The following UBE2Q1 variants were observed in gnomAD, a reference collection of about 807,000 sequenced individuals.
UBE2Q1 encodes the protein ubiquitin conjugating enzyme E2 Q1.
Under a neutral mutation model 60.1 loss-of-function variants are expected in UBE2Q1, and 6 were observed. The observed-to-expected ratio is 0.10, with a 90% CI of 0.05 to 0.20. The LOEUF is 0.20. Among genes scored for constraint, UBE2Q1 ranks in the 10% least tolerant of loss-of-function variants. The probability of loss-of-function intolerance (pLI) is 1.00; values close to 1 mark genes in which losing one functional copy is unlikely to be tolerated. For synonymous variants in UBE2Q1, 226 were observed against 208.3 expected (o/e 1.09, Z -0.73); for missense variants, 262 against 525.8 (o/e 0.50, Z 4.91).
At chr1:154,552,946 C>T in intron 5 of UBE2Q1, 86 bp downstream of exon 5, 3 of 1,593,752 alleles carry the variant, frequency 1.9e-6, no homozygotes, top group Non-Finnish European at 2.6e-6. Context: ...AAGGAGTCTG[C>T]TCTCCATACT....
chr1:154,554,391 T>G (rs552796433), intron 4 of UBE2Q1, among the ~76,000 whole-genome samples: 16 of 152,364 alleles, frequency 1.1e-4, no homozygotes, highest in Middle Eastern at 3.4e-3. Context: ...GCAGTAGGTA[T>G]TATAATCCTA....
chr1:154,552,063 G>A (rs1046959755), intron 8 of UBE2Q1, 30 bp downstream of exon 8: 4 of 1,614,098 alleles, frequency 2.5e-6, no homozygotes, highest in Non-Finnish European at 2.5e-6. Context: ...GCCTAGGCCA[G>A]AGGGAGAGAC....
Position 154,553,153 on chromosome 1 carries a change from T to C in UBE2Q1, c.608A>G (p.His203Arg). The change falls in exon 5 of 13, where the codon CAC becomes CGC. Residue 203 changes from histidine to arginine, a missense_variant. By Grantham distance (29) the His-to-Arg change is conservative. This residue lies in a region of UBE2Q1 where 111 missense variants were observed against 266.8 expected (regional missense o/e 0.42). Transcript: ENST00000292211. ...TGGCTCTTCCTCTTTCATTTCATAG[T>C]GATCTAAGTCTTCTGTGTCCTGGAG... ...EMPEDTEDLD[H>R]YEMKEEEPAE... 5.0e-6 allele frequency: 8 copies of C among 1,613,528 alleles called. No individual in the cohort carries two copies. The highest frequency in any genetic ancestry group is 5.9e-6 in the Non-Finnish European group (7 of 1,180,030).
chr1:154,550,081 G>C lies in UBE2Q1; in HGVS notation c.*357C>G, dbSNP rs1418303422. The C allele has an allele frequency of 4.3e-6, 1 of 231,200 alleles. No individual in the cohort carries two copies. The highest frequency in any genetic ancestry group is 8.4e-6 in the Non-Finnish European group (1 of 119,374). The allele number at this position is 231,200 out of a possible 1,614,324, so 14.3% of individuals were successfully genotyped here. On this transcript the variant is annotated 3_prime_UTR_variant, in exon 13 of 13. Coordinates refer to ENST00000292211, the MANE Select transcript of UBE2Q1 (RefSeq NM_017582.7). ...AAAAAAAGCAGTGTACATGAAATAA[G>C]AGAAAATAAATTAAAAATCCATAGC...
chr1:154,551,612 C>A, intron 10 of UBE2Q1, 120 bp from the exon 11 acceptor site: 2 of 1,427,064 alleles, frequency 1.4e-6, no homozygotes. Context: ...GCCCCCAGCA[C>A]TGCCACCACC....
intron 2 of UBE2Q1, 64 bp downstream of exon 2, chr1:154,555,796 A>G: frequency 2.8e-6 from 4 of 1,446,884 alleles, no homozygotes; most frequent in African/African-American, 2.8e-5. Context: ...TCCCTTTCAC[A>G]GGATGCCTTT....
intron 10 of UBE2Q1, 135 bp downstream of exon 10, chr1:154,551,636 C>A: frequency 1.4e-6 from 2 of 1,450,142 alleles, no homozygotes; most frequent in South Asian, 2.3e-5. Flanking sequence ...CTGTCTAGGT[C>A]AGTGGGTGCA....
chr1:154,552,031 G>C (rs1213401734), intron 8 of UBE2Q1, 52 bp from the exon 9 acceptor site: 17 of 1,613,830 alleles, frequency 1.1e-5, no homozygotes, highest in Non-Finnish European at 1.4e-5. Flanking sequence ...ATCCTCCACA[G>C]GACTGTCAGG....
chr1:154,551,737 G>A, intron 10 of UBE2Q1, 34 bp downstream of exon 10: 2 of 1,614,094 alleles, frequency 1.2e-6, no homozygotes, highest in Admixed American at 3.3e-5. Context: ...TCCCCGCCCA[G>A]GCCGGCCTGG....
chr1:154,556,287 C>A (rs1316158416), intron 1 of UBE2Q1, among the ~76,000 whole-genome samples: 8 of 152,200 alleles, frequency 5.3e-5, no homozygotes, highest in African/African-American at 1.9e-4. Context: ...ATCTCCTGCA[C>A]TGCCTATACA....
At chr1:154,555,313 A>G (rs1695864186) in intron 3 of UBE2Q1, 115 bp downstream of exon 3, 1 of 861,056 alleles carries the variant, frequency 1.2e-6, no homozygotes, top group South Asian at 1.4e-5. Context: ...TAAGACGTGT[A>G]TGTTTTTGGG....
chr1:154,551,336 A>G, intron 11 of UBE2Q1, 61 bp downstream of exon 11: 5 of 1,549,174 alleles, frequency 3.2e-6, no homozygotes, highest in African/African-American at 1.4e-5. Context: ...TTGGCCTGCT[A>G]GTGGCCCCAA....
chr1:154,558,507 TGCCCCG>T lies in UBE2Q1; in HGVS notation c.41_46del (p.Pro14_Gly15del), dbSNP rs1428121165. 23 of 1,073,900 alleles carry T rather than the reference TGCCCCG, an allele frequency of 2.1e-5. No homozygotes were observed. Among genetic ancestry groups the T allele is most frequent in the South Asian group, 4.6e-5 (1 of 21,656 alleles). 66.5% of individuals were successfully genotyped at this position (1,073,900 alleles called of 1,614,324 possible). A position where few individuals can be genotyped will look rare whatever the true frequency, so the allele number is the denominator to read the frequency against. On this transcript the variant is annotated inframe_deletion, in exon 1 of 13. Coordinates refer to ENST00000292211, the MANE Select transcript of UBE2Q1 (RefSeq NM_017582.7). ...CGCCGCCCCCTGGCCCCCCAGCTGC[TGCCCCG>T]GCCCCGGCTGCTGCTGCCCCTGCGG... is the stretch of plus-strand genomic sequence containing the variant.
At chr1:154,556,054 G>C in intron 1 of UBE2Q1, 90 bp from the exon 2 acceptor site, 1 of 1,145,958 alleles carries the variant, frequency 8.7e-7, no homozygotes, top group Non-Finnish European at 1.3e-6. Context: ...AAGACTTCTA[G>C]CCCCTTTGCT....
At chr1:154,550,552 G>GTGC (rs547635905) in intron 12 of UBE2Q1, 83 bp from the exon 13 acceptor site, 2,167 of 1,601,020 alleles carry the variant, frequency 1.4e-3, no homozygotes, top group Non-Finnish European at 1.7e-3. Context: ...GACGTCTCCA[G>GTGC]TGGCAGAGAT....
chr1:154,551,578 T>C (rs1163164317), intron 10 of UBE2Q1, 86 bp from the exon 11 acceptor site: 1 of 1,504,540 alleles, frequency 6.6e-7, no homozygotes, highest in Admixed American at 1.7e-5. Context: ...ATCAGCTGTG[T>C]CTATAGGAGG....
At chr1:154,551,639 TG>T in intron 10 of UBE2Q1, 131 bp downstream of exon 10, 1 of 1,461,344 alleles carries the variant, frequency 6.8e-7, no homozygotes, top group Non-Finnish European at 9.6e-7. Flanking sequence ...TCTAGGTCAG[TG>T]GGTGCAGACC....
intron 4 of UBE2Q1, 110 bp from the exon 5 acceptor site, chr1:154,553,282 T>G (rs889893437): frequency 1.4e-6 from 2 of 1,401,088 alleles, no homozygotes; most frequent in East Asian, 4.8e-5. Context: ...AAAGTTAAAG[T>G]GAAGCAGTCC....
In UBE2Q1 at chr1:154,551,015, G is replaced by A. The variant is rs1233590199; in HGVS notation, c.1171-11C>T. 2 of 1,613,906 alleles carry A rather than the reference G, an allele frequency of 1.2e-6. No individual in the cohort carries two copies. The highest frequency in any genetic ancestry group is 1.7e-5 in the Admixed American group (1 of 59,992). ...CAGACTGTATTGAGACTGGGGAGAG[G>A]AAGCCACCAGATCAGGCCATGGCTA... is the stretch of plus-strand genomic sequence containing the variant. On this transcript the variant is annotated splice_polypyrimidine_tract_variant and intron_variant, in intron 11 of 12. Coordinates refer to ENST00000292211, the MANE Select transcript of UBE2Q1 (RefSeq NM_017582.7).
Sources: gnomAD v4.1 joint callset for allele counts (sites outside exome capture counted in the v4.1 genomes callset) on GRCh38, gnomAD v4.1.1 for gene constraint, gnomAD v4.1.1 regional missense constraint, MANE v1.5 for transcripts, NCBI Gene and HGNC (gene_info 2026-07-23, HGNC 2026-07-21) for gene names.